Variants in APOLD1 observed in about 807,000 individuals in gnomAD.
APOLD1 encodes the protein apolipoprotein L domain-containing protein 1.
APOLD1 carries 22 observed loss-of-function variants against 15.3 expected under a neutral mutation model. That is an observed-to-expected ratio of 1.44 (90% CI 1.03 to 2.05). APOLD1 has a LOEUF of 2.05. APOLD1 is among the 30% of genes most tolerant of loss of function. The pLI is 0.00. For synonymous variants in APOLD1, 190 were observed against 167.4 expected (o/e 1.13, Z -1.04); for missense variants, 394 against 353.5 (o/e 1.11, Z -0.92).
chr12:12,753,461 G>T (rs959884050), intron 1 of APOLD1, among the ~76,000 whole-genome samples: 1 of 152,114 alleles, frequency 6.6e-6, no homozygotes, highest in African/African-American at 2.4e-5. Flanking sequence ...CTAGGAGTTT[G>T]AGACCAGCCT....
chr12:12,742,536 G>T (rs1477445137), intron 1 of APOLD1, among the ~76,000 whole-genome samples: 1 of 152,096 alleles, frequency 6.6e-6, no homozygotes, highest in Non-Finnish European at 1.5e-5. Context: ...GGAGGCCGAG[G>T]TGGGTGGATC....
intron 1 of APOLD1, among the ~76,000 whole-genome samples, chr12:12,751,447 C>T (rs1286666310): frequency 2.0e-5 from 3 of 152,208 alleles, no homozygotes; most frequent in Non-Finnish European, 4.4e-5. Flanking sequence ...ACCTCCCGAG[C>T]TCAAGGGATC....
intron 1 of APOLD1, among the ~76,000 whole-genome samples, chr12:12,746,651 A>G (rs1946769266): frequency 6.6e-6 from 1 of 152,080 alleles, no homozygotes; most frequent in South Asian, 2.1e-4. Flanking sequence ...TTTTTTTTAA[A>G]TTTCATATTC....
At chr12:12,761,815 A>ATATATG (rs1162014020) in intron 1 of APOLD1, among the ~76,000 whole-genome samples, 4 of 113,192 alleles carry the variant, frequency 3.5e-5, no homozygotes, top group Admixed American at 9.9e-5. Context: ...GAACATATAC[A>ATATATG]TATATGTATA....
chr12:12,767,729 T>C (rs1261717080), intron 1 of APOLD1, among the ~76,000 whole-genome samples: 1 of 152,024 alleles, frequency 6.6e-6, no homozygotes, highest in Non-Finnish European at 1.5e-5. Context: ...TTAGGTATTA[T>C]ATGTAATTTA....
chr12:12,786,948 G>T lies in APOLD1; in HGVS notation c.43G>T (p.Asp15Tyr). The T allele has an allele frequency of 6.9e-7, 1 of 1,459,772 alleles. No individual in the cohort carries two copies. 90.4% of individuals were successfully genotyped at this position (1,459,772 alleles called of 1,614,324 possible). The part of the protein sequence containing the change: ...RPAAREPHGP[D>Y]ALRRFQGLLL... ...GGCGGCCCGGGAGCCGCATGGGCCC[G>T]ACGCGCTGCGGCGCTTCCAGGGACT... is the stretch of plus-strand genomic sequence containing the variant. Residue 15 changes from aspartate to tyrosine, a missense_variant, in exon 2 of 2, where the codon GAC becomes TAC. Coordinates refer to ENST00000356591, the MANE Select transcript of APOLD1 (RefSeq NM_030817.3).
At chr12:12,777,583 C>T (rs1213215977) in intron 1 of APOLD1, among the ~76,000 whole-genome samples, 2 of 152,142 alleles carry the variant, frequency 1.3e-5, no homozygotes. Context: ...AGAATATTTG[C>T]ATTATATGTT....
At chr12:12,738,245 A>G (rs142541900) in intron 1 of APOLD1, among the ~76,000 whole-genome samples, 1,822 of 111,082 alleles carry the variant, frequency 0.016, 35 homozygotes, top group African/African-American at 0.058. Context: ...GTCTTGCTCT[A>G]TTGCCCAGGC....
At chr12:12,781,495 T>C (rs1947079689), upstream of APOLD1, among the ~76,000 whole-genome samples, 2 of 151,784 alleles carry the variant, frequency 1.3e-5, no homozygotes, top group South Asian at 4.2e-4. Context: ...CCCAGTCCTC[T>C]GAAAGGCCTT....
chr12:12,752,613 T>TA (rs564652166), intron 1 of APOLD1, among the ~76,000 whole-genome samples: 65 of 149,984 alleles, frequency 4.3e-4, no homozygotes, highest in Middle Eastern at 3.4e-3. Context: ...GGAGAAAATT[T>TA]AAAAAAAAAA....
intron 1 of APOLD1, among the ~76,000 whole-genome samples, chr12:12,727,074 C>A (rs145210842): frequency 6.6e-6 from 1 of 152,192 alleles, no homozygotes; most frequent in Admixed American, 6.5e-5. Context: ...CTATTCCAGA[C>A]CCCTGTGAAA....
chr12:12,756,646 G>C (rs1426337981), intron 1 of APOLD1, among the ~76,000 whole-genome samples: 2 of 152,068 alleles, frequency 1.3e-5, no homozygotes, highest in Non-Finnish European at 2.9e-5. Flanking sequence ...ACAGAAGCTT[G>C]TACCCATTAA....
At chr12:12,735,211 C>T (rs979862853) in intron 1 of APOLD1, among the ~76,000 whole-genome samples, 1 of 151,984 alleles carries the variant, frequency 6.6e-6, no homozygotes, top group Non-Finnish European at 1.5e-5. Context: ...AGCAACAGAA[C>T]AAGACCCCAT....
At chr12:12,728,953 C>G (rs1592286391) in intron 1 of APOLD1, among the ~76,000 whole-genome samples, 2 of 152,164 alleles carry the variant, frequency 1.3e-5, no homozygotes, top group African/African-American at 2.4e-5. Flanking sequence ...TGGCAGTCCT[C>G]CCTAATTCAT....
At chr12:12,757,491 A>G (rs548752114) in intron 1 of APOLD1, among the ~76,000 whole-genome samples, 2 of 152,348 alleles carry the variant, frequency 1.3e-5, no homozygotes, top group South Asian at 4.1e-4. Flanking sequence ...AAACTGAAAC[A>G]TAAAACACAG....
At chr12:12,748,968 G>A (rs1329351434) in intron 1 of APOLD1, among the ~76,000 whole-genome samples, 1 of 152,200 alleles carries the variant, frequency 6.6e-6, no homozygotes, top group Non-Finnish European at 1.5e-5. Flanking sequence ...GTACTCAGAG[G>A]GGGATCTTCC....
At chr12:12,730,816 T>A (rs2136367330) in intron 1 of APOLD1, among the ~76,000 whole-genome samples, 1 of 150,912 alleles carries the variant, frequency 6.6e-6, no homozygotes, top group African/African-American at 2.4e-5. Context: ...GCCCAATACA[T>A]GGTATATAAT....
intron 1 of APOLD1, among the ~76,000 whole-genome samples, chr12:12,740,930 G>A (rs536979116): frequency 1.3e-5 from 2 of 151,998 alleles, no homozygotes; most frequent in South Asian, 2.1e-4. Context: ...AGTATTACCT[G>A]GAAATCAGAA....
At chr12:12,769,071 T>G (rs111631957) in intron 1 of APOLD1, among the ~76,000 whole-genome samples, 382 of 151,428 alleles carry the variant, frequency 2.5e-3, no homozygotes, top group African/African-American at 8.7e-3. Context: ...TTACCAACTA[T>G]ACAAAAATTA....
Sources: gnomAD v4.1 joint callset for allele counts (sites outside exome capture counted in the v4.1 genomes callset) on GRCh38, gnomAD v4.1.1 for gene constraint, MANE v1.5 for transcripts, NCBI Gene and HGNC (gene_info 2026-07-23, HGNC 2026-07-21) for gene names.